The following TRPM3 variants were observed in gnomAD, a reference collection of about 807,000 sequenced individuals.
The protein encoded by TRPM3 is long transient receptor potential channel 3.
In TRPM3, 77 loss-of-function variants were observed where a neutral mutation model predicts 181.2. The ratio of observed to expected loss-of-function variants is 0.42; its 90% CI spans 0.35 to 0.51. The LOEUF (loss-of-function observed/expected upper bound fraction) is 0.51. Ranked by LOEUF, TRPM3 falls within the 20% of genes least tolerant of loss-of-function variation. The pLI is 0.01. For synonymous variants in TRPM3, 745 were observed against 796.4 expected, an observed-to-expected ratio of 0.94 and a Z score of 1.09; for missense variants, 1,759 against 2,196.7, an observed-to-expected ratio of 0.80 and a Z score of 3.98.
intron 1 of TRPM3, among the ~76,000 whole-genome samples, chr9:71,278,991 A>G (rs921112065): frequency 6.9e-6 from 1 of 145,414 alleles, no homozygotes; most frequent in African/African-American, 2.6e-5. Flanking sequence ...GATTGGTAAG[A>G]CTCATGTCAA....
chr9:71,349,994 T>C (rs2091525389), intron 1 of TRPM3, among the ~76,000 whole-genome samples: 1 of 22,794 alleles, frequency 4.4e-5, no homozygotes, highest in Admixed American at 6.6e-4. Flanking sequence ...TATATATATA[T>C]ATATATATGG....
intron 1 of TRPM3, among the ~76,000 whole-genome samples, chr9:71,300,608 C>T (rs1446953639): frequency 6.6e-6 from 1 of 151,982 alleles, no homozygotes; most frequent in African/African-American, 2.4e-5. Flanking sequence ...AAAGATGATG[C>T]TGGTTTAACT....
intron 1 of TRPM3, among the ~76,000 whole-genome samples, chr9:71,379,216 G>A (rs1423358157): frequency 7.0e-6 from 1 of 143,660 alleles, no homozygotes; most frequent in Non-Finnish European, 1.6e-5. Context: ...TCTTTATGAT[G>A]TGTGACAGAA....
chr9:71,290,568 G>C (rs1161058593), intron 1 of TRPM3, among the ~76,000 whole-genome samples: 1 of 151,906 alleles, frequency 6.6e-6, no homozygotes, highest in Non-Finnish European at 1.5e-5. Flanking sequence ...ATATATGTTA[G>C]AAAAAAATTA....
intron 1 of TRPM3, among the ~76,000 whole-genome samples, chr9:71,106,317 C>G (rs1472613795): frequency 1.1e-4 from 16 of 151,934 alleles, no homozygotes; most frequent in Admixed American, 1.0e-3. Flanking sequence ...GAAATGGGGC[C>G]GGGGGGAGGT....
At position 70,532,498 on chromosome 9, in the gene TRPM3, A is replaced by G. The variant is rs2041021067; in HGVS notation, c.*3455T>C. ...CTAATACACCTTTTGGCTTGCAGAGATAATACAAACTAGTCATGAAAATTG... is the reference window on the plus strand; with the variant it reads ...CTAATACACCTTTTGGCTTGCAGAGGTAATACAAACTAGTCATGAAAATTG... On this transcript the variant is annotated 3_prime_UTR_variant, in exon 26 of 26. Coordinates refer to ENST00000677713, the MANE Select transcript of TRPM3 (RefSeq NM_001366145.2). 6.6e-6 allele frequency: 1 copy of G among 152,212 alleles called. No individual in the cohort carries two copies. Among genetic ancestry groups the G allele is most frequent in the South Asian group, 2.1e-4 (1 of 4,836 alleles). The allele number at this position is 152,212 out of a possible 1,614,324, so 9.4% of individuals were successfully genotyped here. A position where few individuals can be genotyped will look rare whatever the true frequency, so the allele number is the denominator to read the frequency against.
chr9:71,394,545 A>G (rs2093143779), intron 1 of TRPM3, among the ~76,000 whole-genome samples: 1 of 152,228 alleles, frequency 6.6e-6, no homozygotes, highest in South Asian at 2.1e-4. Context: ...TTCCCTGCAC[A>G]GGCATATAAG....
intron 21 of TRPM3, among the ~76,000 whole-genome samples, chr9:70,593,724 C>G (rs758790345): frequency 6.6e-6 from 1 of 151,718 alleles, no homozygotes; most frequent in Non-Finnish European, 1.5e-5. Context: ...TTAGTGAGAA[C>G]TGGGGCTGGC....
intron 12 of TRPM3, among the ~76,000 whole-genome samples, chr9:70,628,694 C>T (rs2065114309): frequency 6.6e-6 from 1 of 151,708 alleles, no homozygotes; most frequent in Non-Finnish European, 1.5e-5. Context: ...TGGTGGCATG[C>T]ACCTGTAGTC....
At chr9:70,761,231 G>A (rs964999508) in intron 8 of TRPM3, 6 of 580,340 alleles carry the variant, frequency 1.0e-5, no homozygotes, top group Admixed American at 3.1e-5. Flanking sequence ...TTGACAGAAA[G>A]CACCTCAGTG....
At chr9:71,400,490 T>C (rs1276789279) in intron 1 of TRPM3, among the ~76,000 whole-genome samples, 1 of 152,210 alleles carries the variant, frequency 6.6e-6, no homozygotes, top group Non-Finnish European at 1.5e-5. Flanking sequence ...ATCAACTGGG[T>C]GGCAAAAGAG....
chr9:71,015,054 G>A (rs1054281003), intron 1 of TRPM3, among the ~76,000 whole-genome samples: 1 of 151,942 alleles, frequency 6.6e-6, no homozygotes, highest in Non-Finnish European at 1.5e-5. Context: ...CTTTAAAAAA[G>A]TAATGCTATA....
At chr9:71,280,757 C>T (rs1204891604) in intron 1 of TRPM3, among the ~76,000 whole-genome samples, 1 of 152,098 alleles carries the variant, frequency 6.6e-6, no homozygotes, top group Non-Finnish European at 1.5e-5. Flanking sequence ...CTCGTGGCCT[C>T]CTCTCACACA....
At chr9:71,438,135 A>G (rs1473930474) in intron 1 of TRPM3, among the ~76,000 whole-genome samples, 2 of 152,206 alleles carry the variant, frequency 1.3e-5, no homozygotes, top group African/African-American at 4.8e-5. Flanking sequence ...CAAAATACAG[A>G]ATGTAGAAAA....
chr9:71,280,728 G>A (rs774422586), intron 1 of TRPM3, among the ~76,000 whole-genome samples: 4 of 151,994 alleles, frequency 2.6e-5, no homozygotes, highest in Admixed American at 6.6e-5. Context: ...CTTAGCTAAG[G>A]GTCTTTGCAC....
At chr9:70,839,757 C>G (rs1460376756) in intron 5 of TRPM3, among the ~76,000 whole-genome samples, 5 of 152,096 alleles carry the variant, frequency 3.3e-5, no homozygotes, top group African/African-American at 1.2e-4. Context: ...ACCAAAGATG[C>G]AGCTATTCTA....
chr9:70,664,378 C>G (rs561662818), intron 9 of TRPM3, among the ~76,000 whole-genome samples: 1 of 152,098 alleles, frequency 6.6e-6, no homozygotes, highest in Non-Finnish European at 1.5e-5. Context: ...CAAATGCTAC[C>G]TTCTATTGAG....
intron 1 of TRPM3, among the ~76,000 whole-genome samples, chr9:71,240,864 A>C: frequency 6.6e-6 from 1 of 152,156 alleles, no homozygotes; most frequent in African/African-American, 2.4e-5. Flanking sequence ...AGGTCATGCC[A>C]GGGATAAAAT....
intron 1 of TRPM3, among the ~76,000 whole-genome samples, chr9:71,313,494 TA>T (rs1361263589): frequency 6.6e-6 from 1 of 152,198 alleles, no homozygotes; most frequent in Non-Finnish European, 1.5e-5. Context: ...TTATCTAACT[TA>T]TGTGTCCAAA....
Sources: gnomAD v4.1 joint callset for allele counts (sites outside exome capture counted in the v4.1 genomes callset) on GRCh38, gnomAD v4.1.1 for gene constraint, MANE v1.5 for transcripts, NCBI Gene and HGNC (gene_info 2026-07-23, HGNC 2026-07-21) for gene names.